Variants in CDH23 observed in about 807,000 individuals in gnomAD.
CDH23 encodes cadherin-23.
In CDH23, 189 loss-of-function variants were observed where a neutral mutation model predicts 317.1. The observed-to-expected ratio is 0.60, with a 90% confidence interval of 0.53 to 0.67. The LOEUF (loss-of-function observed/expected upper bound fraction) is 0.67, where lower values mean the gene tolerates loss of function less well. CDH23 is among the 30% of genes least tolerant of loss of function. The pLI is 0.00. For missense variants in CDH23, 4,401 were observed against 4,592.4 expected (o/e 0.96, Z 1.20); for synonymous variants, 1,839 against 1,876.8 (o/e 0.98, Z 0.52).
intron 6 of CDH23, among the ~76,000 whole-genome samples, chr10:71,556,749 G>C (rs961253433): frequency 6.6e-6 from 1 of 152,168 alleles, no homozygotes; most frequent in African/African-American, 2.4e-5. Flanking sequence ...AGCAGACCCT[G>C]ATTCATTCTT....
At chr10:71,662,216 T>C (rs908402298) in intron 14 of CDH23, among the ~76,000 whole-genome samples, 1 of 152,048 alleles carries the variant, frequency 6.6e-6, no homozygotes, top group African/African-American at 2.4e-5. Context: ...GCTTGCCATT[T>C]AGGGAGACAA....
intron 9 of CDH23, among the ~76,000 whole-genome samples, chr10:71,614,564 G>A (rs762213755): frequency 5.3e-5 from 8 of 152,204 alleles, no homozygotes; most frequent in South Asian, 2.1e-4. Flanking sequence ...TCAGAGGGCC[G>A]GGAAGGGAGA....
At chr10:71,803,517 TTG>T in intron 55 of CDH23, 97 bp downstream of exon 55, 1 of 1,155,072 alleles carries the variant, frequency 8.7e-7, no homozygotes, top group Non-Finnish European at 1.2e-6. Context: ...GTGGGGAAAC[TTG>T]GCTTCAGGAA....
At chr10:71,730,670 C>A (rs954592432) in intron 31 of CDH23, 66 bp downstream of exon 31, 17 of 1,592,882 alleles carry the variant, frequency 1.1e-5, no homozygotes, top group Non-Finnish European at 1.1e-5. Context: ...CTCACCCAGC[C>A]CCTCCTTCGA....
At chr10:71,638,803 G>A (rs1401167288) in intron 11 of CDH23, among the ~76,000 whole-genome samples, 1 of 152,212 alleles carries the variant, frequency 6.6e-6, no homozygotes, top group African/African-American at 2.4e-5. Flanking sequence ...GGCTGGCTCT[G>A]GGAGCCTTAG....
At chr10:71,613,955 A>G (rs1048023726) in intron 9 of CDH23, among the ~76,000 whole-genome samples, 2 of 152,244 alleles carry the variant, frequency 1.3e-5, no homozygotes, top group Admixed American at 6.5e-5. Context: ...CCAAAGTAAT[A>G]TATCTATACT....
intron 6 of CDH23, among the ~76,000 whole-genome samples, chr10:71,559,690 A>T (rs1213073567): frequency 1.3e-5 from 2 of 152,156 alleles, no homozygotes; most frequent in Non-Finnish European, 2.9e-5. Context: ...GCCCAGAGAG[A>T]TGTCCTCGAG....
At chr10:71,732,961 G>A (rs1185768172) in intron 32 of CDH23, among the ~76,000 whole-genome samples, 2 of 152,108 alleles carry the variant, frequency 1.3e-5, no homozygotes, top group African/African-American at 4.8e-5. Flanking sequence ...CAATTCTCCA[G>A]TAGACACCAT....
chr10:71,789,317 C>T (rs1416254327), intron 45 of CDH23, among the ~76,000 whole-genome samples: 2 of 152,170 alleles, frequency 1.3e-5, no homozygotes, highest in Non-Finnish European at 2.9e-5. Flanking sequence ...TCAAGAAGGG[C>T]ATGTAAGGTG....
chr10:71,785,807 C>A, intron 44 of CDH23, 69 bp downstream of exon 44: 1 of 942,100 alleles, frequency 1.1e-6, no homozygotes. Flanking sequence ...ACACATCACC[C>A]CTCCTGCAGG....
chr10:71,667,320 C>CAAGTAGG (rs1863942994), intron 14 of CDH23, among the ~76,000 whole-genome samples: 1 of 141,728 alleles, frequency 7.1e-6, no homozygotes, highest in Admixed American at 6.9e-5. Context: ...GGGCTGGAGA[C>CAAGTAGG]AAGTAGGGGT....
At chr10:71,454,333 G>A (rs1254298638) in intron 3 of CDH23, among the ~76,000 whole-genome samples, 1 of 152,206 alleles carries the variant, frequency 6.6e-6, no homozygotes, top group Non-Finnish European at 1.5e-5. Context: ...AATCCAAGCT[G>A]TAATTTAAAC....
At chr10:71,552,503 C>T (rs1200443259) in intron 6 of CDH23, among the ~76,000 whole-genome samples, 1 of 152,174 alleles carries the variant, frequency 6.6e-6, no homozygotes, top group Non-Finnish European at 1.5e-5. Flanking sequence ...TGTCATATAT[C>T]TCACTGGAGA....
At chr10:71,779,123 C>T in intron 40 of CDH23, 144 bp from the exon 41 acceptor site, 1 of 730,592 alleles carries the variant, frequency 1.4e-6, no homozygotes, top group African/African-American at 1.7e-5. Flanking sequence ...GCTTAAAAGC[C>T]CCACCCATAT....
chr10:71,718,052 T>C (rs1866365355), intron 28 of CDH23: 1 of 152,164 alleles, frequency 6.6e-6, no homozygotes, highest in African/African-American at 2.4e-5. Context: ...TGATAAAAAG[T>C]CATGATTTCC....
intron 69 of CDH23, 76 bp downstream of exon 69, chr10:71,813,424 GTCCTTCTCTATGTC>G: frequency 7.9e-7 from 1 of 1,273,878 alleles, no homozygotes; most frequent in Non-Finnish European, 1.1e-6. Flanking sequence ...CTGTCCTGCT[GTCCTTCTCTATGTC>G]TCTGGAGCTC....
At chr10:71,690,380 G>C in intron 19 of CDH23, 88 bp from the exon 20 acceptor site, 1 of 955,228 alleles carries the variant, frequency 1.0e-6, no homozygotes, top group East Asian at 2.7e-5. Context: ...TCTTGGGCCA[G>C]CGCAAATGCT....
intron 18 of CDH23, among the ~76,000 whole-genome samples, chr10:71,683,729 T>C (rs1409963503): frequency 1.3e-5 from 2 of 152,104 alleles, no homozygotes; most frequent in African/African-American, 4.8e-5. Context: ...CTGGAGTCCT[T>C]GTGCCTGGCA....
At chr10:71,656,472 G>A (rs368151085) in intron 14 of CDH23, among the ~76,000 whole-genome samples, 1 of 152,244 alleles carries the variant, frequency 6.6e-6, no homozygotes, top group Non-Finnish European at 1.5e-5. Flanking sequence ...TTAAGGCCTG[G>A]AATGACAGTG....
Sources: allele counts gnomAD v4.1 joint callset (sites outside exome capture counted in the v4.1 genomes callset), GRCh38; gene constraint gnomAD v4.1.1; transcripts MANE v1.5; gene names NCBI Gene and HGNC (gene_info 2026-07-23, HGNC 2026-07-21).